Variants in OSBPL9 observed in about 807,000 individuals in gnomAD.
OSBPL9 encodes oxysterol binding protein like 9.
OSBPL9 carries 40 observed loss-of-function variants against 106.6 expected under a neutral mutation model. The ratio of observed to expected loss-of-function variants is 0.38; its 90% CI spans 0.29 to 0.49. OSBPL9 has a LOEUF of 0.49. Ranked by LOEUF, OSBPL9 falls within the 20% of genes least tolerant of loss-of-function variation. The probability of loss-of-function intolerance (pLI) is 0.97; values close to 1 mark genes in which losing one functional copy is unlikely to be tolerated. For synonymous variants in OSBPL9, 269 were observed against 295.4 expected (o/e 0.91, Z 0.92); for missense variants, 609 against 887.2 (o/e 0.69, Z 3.98).
At chr1:51,618,953 A>G (rs1239088588) in intron 1 of OSBPL9, among the ~76,000 whole-genome samples, 1 of 152,210 alleles carries the variant, frequency 6.6e-6, no homozygotes, top group Admixed American at 6.5e-5. Flanking sequence ...TAAAAGTATT[A>G]CTTTCATCAT....
intron 11 of OSBPL9, among the ~76,000 whole-genome samples, chr1:51,764,828 TC>T (rs1278007673): frequency 1.1e-4 from 17 of 152,152 alleles, no homozygotes; most frequent in Admixed American, 1.1e-3. Flanking sequence ...CAAGCAGTCC[TC>T]CCAACTGGTC....
chr1:51,737,661 C>G (rs56063399), intron 4 of OSBPL9, among the ~76,000 whole-genome samples: 9 of 150,848 alleles, frequency 6.0e-5, no homozygotes, highest in Non-Finnish European at 1.3e-4. Context: ...CATGTGTGTA[C>G]TTATCTAGCA....
chr1:51,786,128 A>T, intron 21 of OSBPL9: 1 of 517,538 alleles, frequency 1.9e-6, no homozygotes. Flanking sequence ...CTCTGCTCTC[A>T]AAACACTTGA....
At chr1:51,676,370 T>C (rs1474922060) in intron 3 of OSBPL9, among the ~76,000 whole-genome samples, 1 of 151,446 alleles carries the variant, frequency 6.6e-6, no homozygotes, top group Non-Finnish European at 1.5e-5. Flanking sequence ...TCGGAAGTTG[T>C]AGTGAGCCGA....
Position 51,749,252 on chromosome 1 carries a change from T to C in OSBPL9, c.492+854T>C, listed in dbSNP as rs553282797. Among the ~76,000 whole-genome samples the C allele has an allele frequency of 1.5e-3, 222 of 152,266 alleles. 1 individual carries two copies. The highest frequency in any genetic ancestry group is 5.2e-3 in the African/African-American group (217 of 41,544). ...GCTCAAAATTTTAAAACAGGTAAAA[T>C]AATAATTTGATTCACCAGTGTTTTG... On this transcript the variant is annotated intron_variant, in intron 7 of 23. Transcript: ENST00000428468.
At chr1:51,669,982 A>G (rs1288873627) in intron 3 of OSBPL9, among the ~76,000 whole-genome samples, 1 of 152,152 alleles carries the variant, frequency 6.6e-6, no homozygotes, top group Non-Finnish European at 1.5e-5. Flanking sequence ...CAAGAACTAC[A>G]AGTTTGCATT....
At chr1:51,617,996 TTGTGTGTG>T (rs58221259) in intron 1 of OSBPL9, among the ~76,000 whole-genome samples, 4 of 145,700 alleles carry the variant, frequency 2.7e-5, no homozygotes, top group East Asian at 4.0e-4. Flanking sequence ...TCTTACGTGG[TTGTGTGTG>T]TGTGTGTGTG....
intron 1 of OSBPL9, among the ~76,000 whole-genome samples, chr1:51,633,160 T>C (rs1304511279): frequency 6.6e-6 from 1 of 151,748 alleles, no homozygotes; most frequent in Non-Finnish European, 1.5e-5. Context: ...GGTTTCGCCA[T>C]GTTGGCCAGG....
At chr1:51,684,624 G>A (rs532754504) in intron 3 of OSBPL9, among the ~76,000 whole-genome samples, 118 of 152,130 alleles carry the variant, frequency 7.8e-4, no homozygotes, top group African/African-American at 2.3e-3. Context: ...TCTGCCTTCC[G>A]GGTTCAAGTG....
rs1644093314 is a variant in OSBPL9, at chr1:51,617,229, C to T, written c.111+8C>T. On this transcript the variant is annotated splice_region_variant and intron_variant, in intron 1 of 23. Transcript: ENST00000428468. ...CTGCTCTCCTACTACACGGTGAGTCCTTGGAGGGCACAGCTCCAGGCGCCT... is the reference window on the plus strand; with the variant it reads ...CTGCTCTCCTACTACACGGTGAGTCTTTGGAGGGCACAGCTCCAGGCGCCT... 4 of 1,605,038 alleles carry T rather than the reference C, an allele frequency of 2.5e-6. No individual in the cohort carries two copies. The highest frequency in any genetic ancestry group is 1.1e-5 in the South Asian group (1 of 89,772).
At chr1:51,772,751 G>A (rs116521013) in intron 14 of OSBPL9, 28 bp downstream of exon 14, 15,618 of 1,493,148 alleles carry the variant, frequency 0.01, 98 homozygotes, top group Non-Finnish European at 0.013. Flanking sequence ...GTAAGTCTGT[G>A]TGGGTATGTA....
At chr1:51,645,161 A>AC (rs1172117818) in intron 1 of OSBPL9, among the ~76,000 whole-genome samples, 1 of 152,204 alleles carries the variant, frequency 6.6e-6, no homozygotes, top group Non-Finnish European at 1.5e-5. Context: ...ACTTGAGAAA[A>AC]TAAATTTCTG....
intron 3 of OSBPL9, among the ~76,000 whole-genome samples, chr1:51,671,840 T>G (rs1372958571): frequency 6.6e-6 from 1 of 152,156 alleles, no homozygotes; most frequent in East Asian, 1.9e-4. Flanking sequence ...TATGGCTATG[T>G]TGGTGGGGGA....
chr1:51,581,365 C>T (rs922545486), intron 1 of OSBPL9, among the ~76,000 whole-genome samples: 3 of 152,186 alleles, frequency 2.0e-5, no homozygotes, highest in Admixed American at 1.3e-4. Flanking sequence ...CATGACTTAT[C>T]ACTGATGGTG....
chr1:51,729,685 G>A lies in OSBPL9; in HGVS notation c.318+15606G>A. 1.9e-6 allele frequency: 1 copy of A among 523,210 alleles called. No individual in the cohort carries two copies. The highest frequency in any genetic ancestry group is 2.8e-6 in the Non-Finnish European group (1 of 354,744). 32.4% of individuals were successfully genotyped at this position (523,210 alleles called of 1,614,324 possible). A position where few individuals can be genotyped will look rare whatever the true frequency, so the allele number is the denominator to read the frequency against. On this transcript the variant is annotated intron_variant, in intron 4 of 23. Coordinates refer to ENST00000428468, the MANE Select transcript of OSBPL9 (RefSeq NM_024586.6). This position sits in a 1 kb window ranked among gnomAD's most constrained non-coding sequence, Gnocchi z 5.1. Reference sequence around the variant, plus strand: ...CCCAAAACTGGCCCAACCGCCAATCGTCTGCCTCTCACCTCCTACAGCAGG... The same window carrying A: ...CCCAAAACTGGCCCAACCGCCAATCATCTGCCTCTCACCTCCTACAGCAGG...
intron 1 of OSBPL9, among the ~76,000 whole-genome samples, chr1:51,581,913 C>A (rs142581387): frequency 4.6e-5 from 7 of 152,276 alleles, no homozygotes; most frequent in Admixed American, 4.6e-4. Context: ...CACTTCCTTA[C>A]TTTCTAGAAC....
At position 51,729,177 on chromosome 1, in the gene OSBPL9, G is replaced by T. The variant is rs1202292825; in HGVS notation, c.318+15098G>T. ...AGCTGTGGCACAACAGCAAGCCCAC[G>T]ATGTCTCACCGGATTAATAAAAATA... On this transcript the variant is annotated intron_variant, in intron 4 of 23. Coordinates refer to ENST00000428468, the MANE Select transcript of OSBPL9 (RefSeq NM_024586.6). The surrounding 1 kb of genome is among the most constrained non-coding windows in gnomAD (Gnocchi z 5.1). The T allele has an allele frequency of 6.6e-6, 1 of 152,154 alleles. No individual in the cohort carries two copies. The highest frequency in any genetic ancestry group is 2.4e-5 in the African/African-American group (1 of 41,408). 9.4% of individuals were successfully genotyped at this position (152,154 alleles called of 1,614,324 possible).
chr1:51,619,026 G>C (rs1472256484), intron 1 of OSBPL9, among the ~76,000 whole-genome samples: 12 of 152,164 alleles, frequency 7.9e-5, no homozygotes, highest in Admixed American at 7.9e-4. Flanking sequence ...AAACCTTAAT[G>C]AGTCTTAAAC....
intron 8 of OSBPL9, among the ~76,000 whole-genome samples, chr1:51,755,777 A>C (rs774585552): frequency 1.3e-5 from 2 of 152,358 alleles, no homozygotes; most frequent in Middle Eastern, 3.4e-3. Flanking sequence ...TTTTCAACTT[A>C]AGATGGGTTT....
Sources: allele counts gnomAD v4.1 joint callset (sites outside exome capture counted in the v4.1 genomes callset), GRCh38; gene constraint gnomAD v4.1.1; non-coding constraint Gnocchi (gnomAD v3.1); transcripts MANE v1.5; gene names NCBI Gene and HGNC (gene_info 2026-07-23, HGNC 2026-07-21).